Variants in SCFD2 observed in about 807,000 individuals in gnomAD.
The protein encoded by SCFD2 is sec1 family domain containing 2, also known as sec1 family domain-containing protein 2.
Under a neutral mutation model 58.9 loss-of-function variants are expected in SCFD2, and 54 were observed. That is an observed-to-expected ratio of 0.92 (90% CI 0.74 to 1.15). The LOEUF (loss-of-function observed/expected upper bound fraction) is 1.15, where lower values mean the gene tolerates loss of function less well. Ranked by LOEUF, SCFD2 falls within the 50% of genes most tolerant of loss-of-function variation. The pLI, the probability that SCFD2 is intolerant of heterozygous loss-of-function variation, is 0.00. For synonymous variants in SCFD2, 321 were observed against 335.9 expected, an observed-to-expected ratio of 0.96 and a Z score of 0.49; for missense variants, 805 against 836.6, an observed-to-expected ratio of 0.96 and a Z score of 0.47.
At chr4:53,129,592 T>C (rs1725730455) in intron 5 of SCFD2, among the ~76,000 whole-genome samples, 1 of 152,230 alleles carries the variant, frequency 6.6e-6, no homozygotes, top group Non-Finnish European at 1.5e-5. Context: ...AATTTTAGGC[T>C]GAAATGGTTG....
intron 5 of SCFD2, among the ~76,000 whole-genome samples, chr4:52,995,302 C>T (rs138248242): frequency 3.6e-3 from 546 of 152,244 alleles, no homozygotes; most frequent in African/African-American, 0.012. Context: ...AGGGTTCGCA[C>T]TCCCAAGAGA....
At chr4:52,901,169 T>C (rs2086727) in intron 7 of SCFD2, among the ~76,000 whole-genome samples, 15,079 of 152,220 alleles carry the variant, frequency 0.099, 1,337 homozygotes, top group African/African-American at 0.23. Flanking sequence ...CTGTCCGGCA[T>C]TCCCTCGTGA....
At chr4:53,149,949 T>C (rs1003217680) in intron 4 of SCFD2, among the ~76,000 whole-genome samples, 11 of 152,178 alleles carry the variant, frequency 7.2e-5, no homozygotes, top group African/African-American at 2.2e-4. Flanking sequence ...CTAAATGTAA[T>C]TGTAGTATCC....
At chr4:53,203,400 T>C (rs937193402) in intron 4 of SCFD2, among the ~76,000 whole-genome samples, 1 of 151,954 alleles carries the variant, frequency 6.6e-6, no homozygotes, top group Non-Finnish European at 1.5e-5. Flanking sequence ...TCATGAGGCA[T>C]AACTAAAGAT....
chr4:53,111,172 A>G (rs1725159349), intron 5 of SCFD2, among the ~76,000 whole-genome samples: 1 of 149,850 alleles, frequency 6.7e-6, no homozygotes, highest in African/African-American at 2.4e-5. Context: ...AACATCATAC[A>G]CCGGGGCCTA....
intron 5 of SCFD2, among the ~76,000 whole-genome samples, chr4:53,034,145 A>G (rs1305979274): frequency 2.0e-5 from 3 of 152,248 alleles, no homozygotes; most frequent in Admixed American, 2.0e-4. Context: ...CCTGGGATGC[A>G]AGACTGATTC....
At chr4:53,207,971 C>T (rs1344013701) in intron 4 of SCFD2, among the ~76,000 whole-genome samples, 7 of 144,490 alleles carry the variant, frequency 4.8e-5, no homozygotes, top group African/African-American at 1.0e-4. Flanking sequence ...TTTTTTTTTT[C>T]CCCCCATACA....
chr4:53,256,369 C>T (rs1273214826), intron 4 of SCFD2, among the ~76,000 whole-genome samples: 7 of 151,440 alleles, frequency 4.6e-5, no homozygotes, highest in African/African-American at 1.5e-4. Context: ...GATGGGATGG[C>T]GGCCGGGCAG....
chr4:53,285,208 TTGGAA>T (rs1485642123), intron 3 of SCFD2, among the ~76,000 whole-genome samples: 1 of 152,168 alleles, frequency 6.6e-6, no homozygotes, highest in African/African-American at 2.4e-5. Context: ...TTAGCTTTCT[TTGGAA>T]ATGCAGCCTT....
intron 3 of SCFD2, among the ~76,000 whole-genome samples, chr4:53,296,940 G>C (rs112837052): frequency 6.6e-6 from 1 of 152,166 alleles, no homozygotes; most frequent in Non-Finnish European, 1.5e-5. Context: ...CCATGTAGTT[G>C]TGTGGTCTTG....
chr4:53,340,187 GCAAGGGGT>G (rs1560455951), intron 2 of SCFD2, among the ~76,000 whole-genome samples: 1 of 152,112 alleles, frequency 6.6e-6, no homozygotes, highest in Non-Finnish European at 1.5e-5. Context: ...CCTGGGAACC[GCAAGGGGT>G]CAGGGAATTC....
At position 53,125,619 on chromosome 4, in the gene SCFD2, C is replaced by T. The variant is rs553598422; in HGVS notation, c.1561+19714G>A. ...ATGTTTCTGTCAATGGGCACACATGCCTGACGGCAGGGCCCAGGTTATATA... is the reference window on the plus strand; with the variant it reads ...ATGTTTCTGTCAATGGGCACACATGTCTGACGGCAGGGCCCAGGTTATATA... On this transcript the variant is annotated intron_variant, in intron 5 of 8. Transcript: ENST00000401642. 7.2e-5 allele frequency among the ~76,000 whole-genome samples: 11 copies of T among 152,220 alleles called. No individual in the cohort carries two copies. In the South Asian group the frequency reaches 2.3e-3, roughly 32 times the overall value.
chr4:53,307,028 C>T lies in SCFD2; in HGVS notation c.1135+6608G>A, dbSNP rs546494253. Among the ~76,000 whole-genome samples, 80 of 152,338 alleles carry T rather than the reference C, an allele frequency of 5.3e-4. 1 individual carries two copies. The highest frequency in any genetic ancestry group is 2.9e-3 in the South Asian group (14 of 4,832). On this transcript the variant is annotated intron_variant, in intron 3 of 8. Transcript: ENST00000401642. ...ATATCCTAACTATACTTTCCTCTCA[C>T]CCTCTAAATCTCCTGCCTATGCCTC...
At position 53,288,408 on chromosome 4, in the gene SCFD2, T is replaced by C. The variant is rs1221699468; in HGVS notation, c.1136-14407A>G. On this transcript the variant is annotated intron_variant, in intron 3 of 8. Transcript: ENST00000401642. ...CATCTAGGTCCATGAAACTATAAAG[T>C]CCCCAAAAAGGTTCAATCTAAAAAG... 2.0e-5 allele frequency among the ~76,000 whole-genome samples: 3 copies of C among 151,476 alleles called. No individual in the cohort carries two copies. The East Asian group carries it at 5.8e-4, about 29-fold the overall frequency.
intron 5 of SCFD2, among the ~76,000 whole-genome samples, chr4:53,127,938 T>C (rs1301095273): frequency 6.7e-6 from 1 of 150,154 alleles, no homozygotes; most frequent in East Asian, 1.9e-4. Context: ...ATAACCCAGT[T>C]TTTTGTTTTT....
rs144987998 is a variant in SCFD2 at position 53,185,177 on chromosome 4, C to T, written c.1312-39595G>A. Among the ~76,000 whole-genome samples, 254 of 152,074 alleles carry T rather than the reference C, an allele frequency of 1.7e-3. 2 individuals carry two copies. Among genetic ancestry groups the T allele is most frequent in the African/African-American group, 5.8e-3 (239 of 41,508 alleles). ...ACAAAATTCTTTTGAAATGATAATC[C>T]TTTGTGATATTAAATTTATGATAAG... On this transcript the variant is annotated intron_variant, in intron 4 of 8. Transcript: ENST00000401642.
At chr4:53,114,404 GC>G (rs1240951990) in intron 5 of SCFD2, among the ~76,000 whole-genome samples, 1 of 152,066 alleles carries the variant, frequency 6.6e-6, no homozygotes, top group Non-Finnish European at 1.5e-5. Flanking sequence ...CCTGGGCAGA[GC>G]ACATGACCCC....
In SCFD2 at chr4:53,365,209, C is replaced by T; in HGVS notation, c.733G>A (p.Val245Ile). 1.9e-6 allele frequency: 3 copies of T among 1,614,144 alleles called. No individual in the cohort carries two copies. Among genetic ancestry groups the T allele is most frequent in the Non-Finnish European group, 2.5e-6 (3 of 1,180,038 alleles). Residue 245 changes from valine to isoleucine, a missense_variant, in exon 1 of 9, where the codon GTC becomes ATC. Val to Ile is a conservative substitution (Grantham distance 29). Transcript: ENST00000401642. This position sits in a 1 kb window ranked among gnomAD's most constrained non-coding sequence, Gnocchi z 4.3. The part of the protein sequence containing the change: ...ECFAVGSLSQ[V>I]IAADLANYAP... ...TAATTGGCCAGATCCGCAGCGATGA[C>T]CTGACTTAAGGAACCTACAGCAAAA... is the stretch of plus-strand genomic sequence containing the variant.
intron 2 of SCFD2, among the ~76,000 whole-genome samples, chr4:53,345,340 G>GA (rs1261266920): frequency 3.3e-5 from 5 of 152,118 alleles, no homozygotes; most frequent in Non-Finnish European, 7.4e-5. Context: ...ACAGACACAT[G>GA]AAAAAATGTT....
Sources: gnomAD v4.1 joint callset for allele counts (sites outside exome capture counted in the v4.1 genomes callset) on GRCh38, gnomAD v4.1.1 for gene constraint, Gnocchi (gnomAD v3.1) non-coding constraint, MANE v1.5 for transcripts, NCBI Gene and HGNC (gene_info 2026-07-23, HGNC 2026-07-21) for gene names.